The following MYLK3 variants were observed in gnomAD, a reference collection of about 807,000 sequenced individuals.
MYLK3 encodes MLC kinase.
Under a neutral mutation model 76.3 loss-of-function variants are expected in MYLK3, and 55 were observed. The ratio of observed to expected loss-of-function variants is 0.72; its 90% CI spans 0.58 to 0.90. MYLK3 has a LOEUF of 0.90. Among genes scored for constraint, MYLK3 ranks in the 40% least tolerant of loss-of-function variants. The pLI is 0.00. For missense variants in MYLK3, 973 were observed against 1,053.6 expected (o/e 0.92, Z 1.06); for synonymous variants, 416 against 425.4 (o/e 0.98, Z 0.27).
intron 2 of MYLK3, among the ~76,000 whole-genome samples, chr16:46,738,456 TG>T (rs2143015941): frequency 6.6e-6 from 1 of 152,276 alleles, no homozygotes; most frequent in South Asian, 2.1e-4. Context: ...CCCAGCTACT[TG>T]GGAGGCTGAG....
At chr16:46,722,940 G>C (rs569409382) in intron 8 of MYLK3, among the ~76,000 whole-genome samples, 1 of 152,166 alleles carries the variant, frequency 6.6e-6, no homozygotes, top group African/African-American at 2.4e-5. Context: ...TCAAACTCCC[G>C]ACCTCAGGTG....
intron 3 of MYLK3, among the ~76,000 whole-genome samples, chr16:46,736,880 G>T (rs537451152): frequency 6.6e-6 from 1 of 152,086 alleles, no homozygotes; most frequent in Non-Finnish European, 1.5e-5. Flanking sequence ...GCTGGGGAGG[G>T]CATGAGAGTC....
chr16:46,737,013 C>T (rs934203910), intron 3 of MYLK3, among the ~76,000 whole-genome samples: 1 of 152,230 alleles, frequency 6.6e-6, no homozygotes, highest in Non-Finnish European at 1.5e-5. Context: ...CTGCTGAAAG[C>T]TCCTGGGGCT....
chr16:46,719,485 G>C (rs1966777894), intron 9 of MYLK3, among the ~76,000 whole-genome samples: 1 of 152,172 alleles, frequency 6.6e-6, no homozygotes, highest in African/African-American at 2.4e-5. Context: ...CAAATGCCAA[G>C]GGTCTGCTAC....
At position 46,706,553 on chromosome 16, in the gene MYLK3, C is replaced by T. The variant is rs1966628679; in HGVS notation, c.*1151G>A. On this transcript the variant is annotated 3_prime_UTR_variant, in exon 13 of 13. Transcript: ENST00000394809. Reference sequence around the variant, plus strand: ...AAGTGATCTGCCTGCCTCAGCCTCCCAAAGTGCTGGGATTATGGGCATGAG... The same window carrying T: ...AAGTGATCTGCCTGCCTCAGCCTCCTAAAGTGCTGGGATTATGGGCATGAG... The T allele has an allele frequency of 6.6e-6, 1 of 152,204 alleles. No individual in the cohort carries two copies. The highest frequency in any genetic ancestry group is 2.1e-4 in the South Asian group (1 of 4,830). 9.4% of individuals were successfully genotyped at this position (152,204 alleles called of 1,614,324 possible). A position where few individuals can be genotyped will look rare whatever the true frequency, so the allele number is the denominator to read the frequency against.
chr16:46,743,990 A>C (rs1016635723), intron 1 of MYLK3, among the ~76,000 whole-genome samples: 1 of 152,218 alleles, frequency 6.6e-6, no homozygotes, highest in Non-Finnish European at 1.5e-5. Context: ...GAGACATATA[A>C]ATAATTGTCT....
At position 46,748,026 on chromosome 16, in the gene MYLK3, G is replaced by A; in HGVS notation, c.168C>T (p.Asp56=). 2 of 1,614,024 alleles carry A rather than the reference G, an allele frequency of 1.2e-6. No individual in the cohort carries two copies. Among genetic ancestry groups the A allele is most frequent in the East Asian group, 4.5e-5 (2 of 44,882 alleles). The stretch of plus-strand genomic sequence containing the variant: ...GCAGGCCCCGCTCCAGGTGGCCCAT[G>A]TCTCGGCACATGCTCTGCAACTTCT... ...VTEKLQSMCR[D]MGHLERGLHR... Residue 56 remains aspartate, a synonymous_variant, in exon 1 of 13, where the codon GAC becomes GAT. Coordinates refer to ENST00000394809, the MANE Select transcript of MYLK3 (RefSeq NM_182493.3). This position sits in a 1 kb window ranked among gnomAD's most constrained non-coding sequence, Gnocchi z 4.3.
At chr16:46,716,493 ATATATG>A (rs1050272936) in intron 9 of MYLK3, among the ~76,000 whole-genome samples, 12 of 54,826 alleles carry the variant, frequency 2.2e-4, no homozygotes, top group East Asian at 0.011. Context: ...GTATGTGTAT[ATATATG>A]TGTGTGTGTG....
At chr16:46,723,918 G>A (rs1966824272) in intron 8 of MYLK3, among the ~76,000 whole-genome samples, 1 of 152,128 alleles carries the variant, frequency 6.6e-6, no homozygotes, top group Admixed American at 6.5e-5. Flanking sequence ...CAAAGTGCTG[G>A]GATTACAGGC....
intron 8 of MYLK3, among the ~76,000 whole-genome samples, chr16:46,725,474 T>G (rs1230142784): frequency 6.6e-6 from 1 of 152,232 alleles, no homozygotes; most frequent in East Asian, 1.9e-4. Context: ...TTTATTATTT[T>G]CATCATGAAA....
intron 1 of MYLK3, among the ~76,000 whole-genome samples, chr16:46,747,214 G>C (rs1176993271): frequency 6.6e-6 from 1 of 152,166 alleles, no homozygotes; most frequent in Non-Finnish European, 1.5e-5. Context: ...CCTGCCTGCT[G>C]TCCCCCTGGG....
At position 46,704,295 on chromosome 16, in the gene MYLK3, G is replaced by A. The variant is rs1233461334; in HGVS notation, c.*3409C>T. The A allele has an allele frequency of 3.3e-5, 5 of 152,028 alleles. No homozygotes were observed. 9.4% of individuals were successfully genotyped at this position (152,028 alleles called of 1,614,324 possible). A position where few individuals can be genotyped will look rare whatever the true frequency, so the allele number is the denominator to read the frequency against. ...GCTAATTTTTATATTTTTAGAGATG[G>A]GGTTTTACCATGTTGGCCAGCAATC... On this transcript the variant is annotated 3_prime_UTR_variant, in exon 13 of 13. Transcript: ENST00000394809.
At chr16:46,712,437 C>T (rs1026437960) in intron 10 of MYLK3, among the ~76,000 whole-genome samples, 7 of 151,938 alleles carry the variant, frequency 4.6e-5, no homozygotes, top group South Asian at 2.1e-4. Context: ...CTTGGAAATA[C>T]GACTGCCTTG....
At chr16:46,731,856 C>T (rs918048840) in intron 4 of MYLK3, among the ~76,000 whole-genome samples, 3 of 152,166 alleles carry the variant, frequency 2.0e-5, no homozygotes, top group Admixed American at 6.5e-5. Flanking sequence ...TCTGGGAGGC[C>T]GAGGCTGGAG....
upstream of MYLK3, among the ~76,000 whole-genome samples, chr16:46,748,749 T>C (rs932952925): frequency 6.6e-6 from 1 of 152,196 alleles, no homozygotes; most frequent in Non-Finnish European, 1.5e-5. This position sits in a 1 kb window ranked among gnomAD's most constrained non-coding sequence, Gnocchi z 4.3. Flanking sequence ...ACTTCTGCCA[T>C]GATGAAAATT....
intron 1 of MYLK3, among the ~76,000 whole-genome samples, chr16:46,761,112 G>A (rs1967270961): frequency 6.6e-6 from 1 of 152,186 alleles, no homozygotes; most frequent in Non-Finnish European, 1.5e-5. Flanking sequence ...GACTTGAGCT[G>A]AGCCTTGAAT....
intron 9 of MYLK3, among the ~76,000 whole-genome samples, chr16:46,716,495 ATATG>A (rs71158886): frequency 0.51 from 73,384 of 144,884 alleles, 19,074 homozygotes; most frequent in South Asian, 0.68. Context: ...ATGTGTATAT[ATATG>A]TGTGTGTGTG....
intron 1 of MYLK3, among the ~76,000 whole-genome samples, chr16:46,755,529 G>A (rs540315204): frequency 6.6e-5 from 10 of 151,772 alleles, no homozygotes; most frequent in African/African-American, 2.4e-4. Flanking sequence ...AAAATCAAGA[G>A]TGTTCAACAG....
chr16:46,714,827 T>A (rs1255047806), intron 9 of MYLK3, among the ~76,000 whole-genome samples: 1 of 152,208 alleles, frequency 6.6e-6, no homozygotes, highest in Non-Finnish European at 1.5e-5. Flanking sequence ...ACCTGCACCC[T>A]GGATTCAAGC....
Sources: allele counts gnomAD v4.1 joint callset (sites outside exome capture counted in the v4.1 genomes callset), GRCh38; gene constraint gnomAD v4.1.1; non-coding constraint Gnocchi (gnomAD v3.1); transcripts MANE v1.5; gene names NCBI Gene and HGNC (gene_info 2026-07-23, HGNC 2026-07-21).